The following FHOD3 variants were observed in gnomAD, a reference collection of about 807,000 sequenced individuals.
FHOD3 encodes formin homology 2 domain containing 3, also known as FH1/FH2 domain-containing protein 3.
FHOD3 carries 90 observed loss-of-function variants against 173.0 expected under a neutral mutation model. The ratio of observed to expected loss-of-function variants is 0.52; its 90% CI spans 0.44 to 0.62. The LOEUF (loss-of-function observed/expected upper bound fraction) is 0.62. Among genes scored for constraint, FHOD3 ranks in the 20% least tolerant of loss-of-function variants. FHOD3 has a pLI of 0.00. For synonymous variants in FHOD3, 828 were observed against 823.0 expected, an observed-to-expected ratio of 1.01 and a Z score of -0.10; for missense variants, 1,945 against 2,034.7, an observed-to-expected ratio of 0.96 and a Z score of 0.85.
chr18:36,317,784 G>A (rs1386836981), intron 1 of FHOD3, among the ~76,000 whole-genome samples: 3 of 152,160 alleles, frequency 2.0e-5, no homozygotes, highest in Admixed American at 6.5e-5. Flanking sequence ...TGATGTTTTA[G>A]TCATGAAGTC....
At chr18:36,753,178 C>T (rs1481400941) in intron 24 of FHOD3, among the ~76,000 whole-genome samples, 3 of 152,078 alleles carry the variant, frequency 2.0e-5, no homozygotes, top group African/African-American at 2.4e-5. Flanking sequence ...CTTGTCAGGC[C>T]TGTGGTCCTA....
chr18:36,542,754 G>A (rs1426594961), intron 5 of FHOD3, among the ~76,000 whole-genome samples: 2 of 152,104 alleles, frequency 1.3e-5, no homozygotes, highest in African/African-American at 4.8e-5. Context: ...GCCAAAGATG[G>A]TTTACAGTGT....
intron 3 of FHOD3, among the ~76,000 whole-genome samples, chr18:36,473,599 C>T (rs2053403813): frequency 6.6e-6 from 1 of 152,182 alleles, no homozygotes; most frequent in Non-Finnish European, 1.5e-5. Flanking sequence ...TCCTCAGTAT[C>T]ACTTCTGAAC....
chr18:36,526,511 C>G (rs1253283092), intron 5 of FHOD3, among the ~76,000 whole-genome samples: 1 of 152,076 alleles, frequency 6.6e-6, no homozygotes, highest in South Asian at 2.1e-4. Context: ...CTGCAACCTC[C>G]GCCTCCTGCG....
chr18:36,568,314 C>CAGACTCTG (rs2058340304), intron 5 of FHOD3, among the ~76,000 whole-genome samples: 1 of 109,860 alleles, frequency 9.1e-6, no homozygotes, highest in Admixed American at 1.2e-4. Flanking sequence ...GGCGACAGAG[C>CAGACTCTG]AGACTCTGTC....
At chr18:36,533,450 A>G (rs150186644) in intron 5 of FHOD3, among the ~76,000 whole-genome samples, 1 of 152,326 alleles carries the variant, frequency 6.6e-6, no homozygotes, top group East Asian at 1.9e-4. Context: ...CATGCTGCTG[A>G]AGCAGCCCTT....
chr18:36,420,299 A>T (rs147652896), intron 3 of FHOD3, among the ~76,000 whole-genome samples: 2 of 152,330 alleles, frequency 1.3e-5, no homozygotes, highest in East Asian at 3.9e-4. Flanking sequence ...GTCAGATGTC[A>T]TGTGGGCCAA....
intron 11 of FHOD3, among the ~76,000 whole-genome samples, chr18:36,650,437 A>C (rs1339327828): frequency 1.3e-5 from 2 of 152,136 alleles, no homozygotes; most frequent in Non-Finnish European, 2.9e-5. Context: ...GCTTGCCCCT[A>C]TTTGGAAATG....
chr18:36,324,356 A>G (rs1245162603), intron 1 of FHOD3, among the ~76,000 whole-genome samples: 7 of 152,252 alleles, frequency 4.6e-5, no homozygotes, highest in Non-Finnish European at 8.8e-5. Flanking sequence ...AACACTAGCC[A>G]TAAAGGAATA....
At chr18:36,400,747 A>T (rs910086571) in intron 3 of FHOD3, among the ~76,000 whole-genome samples, 3 of 152,334 alleles carry the variant, frequency 2.0e-5, no homozygotes, top group African/African-American at 7.2e-5. Context: ...CAGAGGTCTA[A>T]CCAAAGGCAA....
At chr18:36,462,396 A>G (rs1599224359) in intron 3 of FHOD3, among the ~76,000 whole-genome samples, 1 of 152,032 alleles carries the variant, frequency 6.6e-6, no homozygotes, top group Non-Finnish European at 1.5e-5. Flanking sequence ...CAGTGGTGCT[A>G]TCTCGGCTCA....
At chr18:36,444,151 C>G (rs979278754) in intron 3 of FHOD3, among the ~76,000 whole-genome samples, 7 of 150,480 alleles carry the variant, frequency 4.7e-5, no homozygotes, top group African/African-American at 1.7e-4. Context: ...CGAGATCATG[C>G]CCCTGCCCTC....
chr18:36,504,365 T>C (rs557445458), intron 4 of FHOD3, among the ~76,000 whole-genome samples: 3 of 152,100 alleles, frequency 2.0e-5, no homozygotes, highest in South Asian at 2.1e-4. Flanking sequence ...CCGAATACCA[T>C]TAAAAGTATC....
intron 3 of FHOD3, among the ~76,000 whole-genome samples, chr18:36,469,755 G>A (rs987988481): frequency 6.9e-6 from 1 of 144,248 alleles, no homozygotes; most frequent in Non-Finnish European, 1.5e-5. Context: ...ATTTAAGGGC[G>A]TTCAAAGTTG....
intron 1 of FHOD3, among the ~76,000 whole-genome samples, chr18:36,345,592 C>T (rs568770602): frequency 1.1e-4 from 16 of 152,124 alleles, no homozygotes; most frequent in Non-Finnish European, 2.1e-4. Flanking sequence ...GTGTGCACCA[C>T]CACACCCAGC....
intron 9 of FHOD3, among the ~76,000 whole-genome samples, chr18:36,619,737 G>A (rs1170901837): frequency 3.9e-5 from 6 of 152,352 alleles, no homozygotes; most frequent in Non-Finnish European, 8.8e-5. Context: ...CTAATGAGGT[G>A]CAGACAGCAA....
At chr18:36,618,049 C>T (rs906212246) in intron 9 of FHOD3, among the ~76,000 whole-genome samples, 1 of 145,086 alleles carries the variant, frequency 6.9e-6, no homozygotes, top group African/African-American at 2.6e-5. Context: ...GTGACTTCTC[C>T]TTTTCCCTCC....
chr18:36,300,391 A>G (rs2091927828), intron 1 of FHOD3, among the ~76,000 whole-genome samples: 1 of 152,250 alleles, frequency 6.6e-6, no homozygotes, highest in African/African-American at 2.4e-5. Flanking sequence ...GGTGAATGTT[A>G]TAAATGAGTA....
chr18:36,458,995 G>A (rs79145116), intron 3 of FHOD3, among the ~76,000 whole-genome samples: 5,074 of 152,214 alleles, frequency 0.033, 262 homozygotes, highest in African/African-American at 0.12. Flanking sequence ...GGCTTTCAGG[G>A]CAGTGTTCCT....
Sources: gnomAD v4.1 joint callset for allele counts (sites outside exome capture counted in the v4.1 genomes callset) on GRCh38, gnomAD v4.1.1 for gene constraint, MANE v1.5 for transcripts, NCBI Gene and HGNC (gene_info 2026-07-23, HGNC 2026-07-21) for gene names.